The following CRACR2A variants were observed in gnomAD, a reference collection of about 807,000 sequenced individuals.
CRACR2A encodes calcium release activated channel regulator 2A.
Under a neutral mutation model 90.5 loss-of-function variants are expected in CRACR2A, and 79 were observed. The observed-to-expected ratio is 0.87, with a 90% CI of 0.73 to 1.05. CRACR2A has a LOEUF of 1.05. Ranked by LOEUF, CRACR2A falls within the 50% of genes least tolerant of loss-of-function variation. CRACR2A has a pLI of 0.00. For missense variants in CRACR2A, 823 were observed against 897.2 expected, an observed-to-expected ratio of 0.92 and a Z score of 1.06; for synonymous variants, 338 against 356.7, an observed-to-expected ratio of 0.95 and a Z score of 0.59.
At chr12:3,653,022 A>G (rs1024375391) in intron 10 of CRACR2A, among the ~76,000 whole-genome samples, 2 of 151,798 alleles carry the variant, frequency 1.3e-5, no homozygotes, top group Non-Finnish European at 2.9e-5. Flanking sequence ...TCACTCTGTC[A>G]CCCAAGCTGG....
intron 2 of CRACR2A, among the ~76,000 whole-genome samples, chr12:3,716,671 G>C (rs1591708049): frequency 6.6e-6 from 1 of 152,156 alleles, no homozygotes; most frequent in African/African-American, 2.4e-5. Context: ...TGTAAATGCT[G>C]ATTTTTGGGG....
At chr12:3,705,299 C>G (rs911249520) in intron 3 of CRACR2A, among the ~76,000 whole-genome samples, 1 of 152,202 alleles carries the variant, frequency 6.6e-6, no homozygotes, top group East Asian at 1.9e-4. Flanking sequence ...TTAAATATAT[C>G]CAGGAAGATT....
chr12:3,750,981 T>C (rs1946694368), intron 1 of CRACR2A, among the ~76,000 whole-genome samples: 1 of 152,206 alleles, frequency 6.6e-6, no homozygotes, highest in East Asian at 1.9e-4. Context: ...CCACTCTAAC[T>C]CTGGAATCCA....
At chr12:3,722,887 T>A (rs979039277) in intron 2 of CRACR2A, among the ~76,000 whole-genome samples, 23 of 152,222 alleles carry the variant, frequency 1.5e-4, no homozygotes, top group Non-Finnish European at 3.1e-4. Flanking sequence ...TGCTTTCTCA[T>A]CCCATCTCAG....
chr12:3,750,909 C>G (rs4765749), intron 1 of CRACR2A, among the ~76,000 whole-genome samples: 152,315 of 152,316 alleles, frequency 1, 76,157 homozygotes, highest in Middle Eastern at 1. Context: ...CTCACCACAG[C>G]GTGACGCATC....
At chr12:3,738,468 T>C (rs889837551) in intron 1 of CRACR2A, among the ~76,000 whole-genome samples, 41 of 152,106 alleles carry the variant, frequency 2.7e-4, no homozygotes, top group African/African-American at 9.7e-4. Context: ...AGAGAATGTT[T>C]AGAAATAAAA....
At chr12:3,735,966 G>A (rs1946443764) in intron 1 of CRACR2A, among the ~76,000 whole-genome samples, 1 of 152,160 alleles carries the variant, frequency 6.6e-6, no homozygotes, top group South Asian at 2.1e-4. Flanking sequence ...ATGCTGCAAA[G>A]AGAAGCAAAA....
At chr12:3,661,863 TAA>T (rs1945045251) in intron 7 of CRACR2A, among the ~76,000 whole-genome samples, 2 of 152,352 alleles carry the variant, frequency 1.3e-5, no homozygotes, top group African/African-American at 4.8e-5. Context: ...GCAATTCATA[TAA>T]AGTTATTCAT....
At chr12:3,742,518 T>G (rs1946544168) in intron 1 of CRACR2A, among the ~76,000 whole-genome samples, 1 of 152,156 alleles carries the variant, frequency 6.6e-6, no homozygotes, top group Non-Finnish European at 1.5e-5. Flanking sequence ...GATCAAAAAG[T>G]CCAGAATTGA....
At chr12:3,694,219 G>A (rs554031941) in intron 4 of CRACR2A, among the ~76,000 whole-genome samples, 71 of 152,276 alleles carry the variant, frequency 4.7e-4, no homozygotes, top group Non-Finnish European at 4.9e-4. Context: ...ACCTGGCTGC[G>A]TCTAGTTGGC....
chr12:3,658,858 A>G (rs1260870112), intron 8 of CRACR2A, among the ~76,000 whole-genome samples: 1 of 151,850 alleles, frequency 6.6e-6, no homozygotes, highest in Admixed American at 6.6e-5. Context: ...ACATGTTTCC[A>G]GAAGGATCCT....
At chr12:3,662,981 T>C (rs1021730679) in intron 7 of CRACR2A, among the ~76,000 whole-genome samples, 6 of 152,246 alleles carry the variant, frequency 3.9e-5, no homozygotes, top group African/African-American at 1.2e-4. Context: ...GTCTTCTCTG[T>C]GAAGATTTTG....
intron 4 of CRACR2A, among the ~76,000 whole-genome samples, chr12:3,687,523 TG>T (rs1945581553): frequency 6.6e-6 from 1 of 152,334 alleles, no homozygotes; most frequent in African/African-American, 2.4e-5. Flanking sequence ...GCAAAAGATA[TG>T]ATCTTGTTCT....
chr12:3,616,162 G>A (rs911286350), intron 19 of CRACR2A, among the ~76,000 whole-genome samples: 2 of 152,248 alleles, frequency 1.3e-5, no homozygotes, highest in Non-Finnish European at 2.9e-5. Flanking sequence ...AGCCTAGAAT[G>A]TTTCCTTGTG....
chr12:3,708,902 T>C (rs1945970674), intron 3 of CRACR2A, among the ~76,000 whole-genome samples: 1 of 152,232 alleles, frequency 6.6e-6, no homozygotes, highest in Admixed American at 6.5e-5. Context: ...ATCTATGTTT[T>C]CTGTGTCTGC....
chr12:3,745,830 A>AAAATG (rs1946616099), intron 1 of CRACR2A, among the ~76,000 whole-genome samples: 1 of 36,720 alleles, frequency 2.7e-5, no homozygotes, highest in Admixed American at 2.6e-4. Context: ...TAAAATAAAG[A>AAAATG]AAGAAAAGAG....
At chr12:3,615,607 A>G (rs970707020) in intron 19 of CRACR2A, among the ~76,000 whole-genome samples, 168 bp from the exon 20 acceptor site, 4 of 152,260 alleles carry the variant, frequency 2.6e-5, no homozygotes, top group East Asian at 3.9e-4. Context: ...TGGACAGTAC[A>G]GGTGCACAGC....
At chr12:3,696,337 C>T (rs888768158) in intron 4 of CRACR2A, among the ~76,000 whole-genome samples, 13 of 152,206 alleles carry the variant, frequency 8.5e-5, no homozygotes, top group Non-Finnish European at 1.6e-4. Context: ...GGTTTGAAGG[C>T]GAGACATGGG....
chr12:3,668,745 C>G (rs149584286), intron 7 of CRACR2A, among the ~76,000 whole-genome samples: 2 of 152,320 alleles, frequency 1.3e-5, no homozygotes, highest in African/African-American at 4.8e-5. Context: ...GTAAGGTGCA[C>G]TCCCTCCTGG....
Sources: gnomAD v4.1 joint callset for allele counts (sites outside exome capture counted in the v4.1 genomes callset) on GRCh38, gnomAD v4.1.1 for gene constraint, MANE v1.5 for transcripts, NCBI Gene and HGNC (gene_info 2026-07-23, HGNC 2026-07-21) for gene names.